Variants in FGGY observed in about 807,000 individuals in gnomAD.
The protein encoded by FGGY is FGGY carbohydrate kinase domain-containing protein.
In FGGY, 72 loss-of-function variants were observed where a neutral mutation model predicts 71.3. That is an observed-to-expected ratio of 1.01 (90% confidence interval 0.84 to 1.23). The LOEUF (loss-of-function observed/expected upper bound fraction) is 1.23. Among genes scored for constraint, FGGY ranks in the 50% most tolerant of loss-of-function variants. The pLI is 0.00. For missense variants in FGGY, 668 were observed against 682.3 expected (o/e 0.98, Z 0.23); for synonymous variants, 251 against 250.3 (o/e 1.00, Z -0.02).
chr1:59,325,048 C>T (rs1330773599), intron 2 of FGGY, among the ~76,000 whole-genome samples: 1 of 152,134 alleles, frequency 6.6e-6, no homozygotes, highest in Non-Finnish European at 1.5e-5. Flanking sequence ...ACCTGCCCAA[C>T]TCCCACCTTA....
intron 6 of FGGY, among the ~76,000 whole-genome samples, chr1:59,499,917 GTA>G (rs894025730): frequency 7.8e-4 from 118 of 151,970 alleles, no homozygotes; most frequent in African/African-American, 2.8e-3. Flanking sequence ...GTATATATAT[GTA>G]TGTGTGTGTG....
chr1:59,496,038 A>G (rs944029082), intron 6 of FGGY, among the ~76,000 whole-genome samples: 1 of 152,154 alleles, frequency 6.6e-6, no homozygotes, highest in Non-Finnish European at 1.5e-5. Flanking sequence ...TGGCAGTTTG[A>G]TGGGAATAGC....
At chr1:59,421,765 C>G (rs1001762324) in intron 5 of FGGY, among the ~76,000 whole-genome samples, 6 of 152,292 alleles carry the variant, frequency 3.9e-5, no homozygotes, top group African/African-American at 1.4e-4. Context: ...TTAGGGCATG[C>G]CTTGACCTCT....
intron 7 of FGGY, chr1:59,553,882 T>C: frequency 2.8e-6 from 1 of 361,100 alleles, no homozygotes; most frequent in Non-Finnish European, 5.0e-6. Context: ...ATTACTGCCA[T>C]TATTATAACG....
At chr1:59,685,702 A>C (rs2097538573) in intron 14 of FGGY, among the ~76,000 whole-genome samples, 3 of 152,180 alleles carry the variant, frequency 2.0e-5, no homozygotes, top group Admixed American at 2.0e-4. Context: ...GCCACACCAA[A>C]TATCTATGGG....
chr1:59,431,552 C>T (rs1457457926), intron 5 of FGGY, among the ~76,000 whole-genome samples: 2 of 152,136 alleles, frequency 1.3e-5, no homozygotes, highest in Non-Finnish European at 2.9e-5. Flanking sequence ...ATAGTCCGGA[C>T]GTAGATGCTT....
At chr1:59,404,555 C>G (rs2062456673) in intron 5 of FGGY, among the ~76,000 whole-genome samples, 1 of 152,036 alleles carries the variant, frequency 6.6e-6, no homozygotes, top group Non-Finnish European at 1.5e-5. Context: ...TAGAACAGCC[C>G]AATCAGAATG....
At chr1:59,494,956 T>A (rs1446013652) in intron 6 of FGGY, among the ~76,000 whole-genome samples, 1 of 152,176 alleles carries the variant, frequency 6.6e-6, no homozygotes, top group Non-Finnish European at 1.5e-5. Context: ...TGAATGAATT[T>A]ACATTCACAC....
intron 11 of FGGY, among the ~76,000 whole-genome samples, chr1:59,643,131 A>G (rs1422998584): frequency 6.6e-6 from 1 of 152,114 alleles, no homozygotes; most frequent in Non-Finnish European, 1.5e-5. Flanking sequence ...TTTACTACTG[A>G]AACCAAAAGA....
chr1:59,700,172 A>G (rs760576883), intron 14 of FGGY, among the ~76,000 whole-genome samples: 1 of 152,256 alleles, frequency 6.6e-6, no homozygotes, highest in Non-Finnish European at 1.5e-5. Flanking sequence ...TAGGTGGCAC[A>G]TGTTTAACTT....
intron 1 of FGGY, among the ~76,000 whole-genome samples, chr1:59,310,329 C>T (rs2153092981): frequency 6.6e-6 from 1 of 152,240 alleles, no homozygotes; most frequent in East Asian, 1.9e-4. Context: ...TCAACAGCAA[C>T]CTCTTGAAGA....
At chr1:59,723,448 A>G (rs1452886208) in intron 14 of FGGY, among the ~76,000 whole-genome samples, 2 of 151,956 alleles carry the variant, frequency 1.3e-5, no homozygotes, top group African/African-American at 2.4e-5. Context: ...ATTCAATTTC[A>G]GTATACATGT....
At chr1:59,380,736 G>C (rs540881009) in intron 5 of FGGY, among the ~76,000 whole-genome samples, 2 of 151,550 alleles carry the variant, frequency 1.3e-5, no homozygotes, top group African/African-American at 4.9e-5. Context: ...CTCCCATTCT[G>C]TAAGTTGCCT....
At chr1:59,632,661 G>A (rs192986335) in intron 10 of FGGY, among the ~76,000 whole-genome samples, 38 of 152,298 alleles carry the variant, frequency 2.5e-4, no homozygotes, top group African/African-American at 8.2e-4. Context: ...ATAGTTTCAC[G>A]TATATTATCT....
intron 8 of FGGY, among the ~76,000 whole-genome samples, chr1:59,605,425 G>A (rs2096614764): frequency 6.6e-6 from 1 of 152,120 alleles, no homozygotes; most frequent in African/African-American, 2.4e-5. Flanking sequence ...TTTGAGTACA[G>A]GCACTATGCT....
At chr1:59,573,495 T>G (rs1388809630) in intron 8 of FGGY, among the ~76,000 whole-genome samples, 4 of 152,134 alleles carry the variant, frequency 2.6e-5, no homozygotes, top group Admixed American at 2.0e-4. Context: ...TGTTCATATA[T>G]ATATGTTTAT....
chr1:59,431,533 G>T (rs1322612813), intron 5 of FGGY, among the ~76,000 whole-genome samples: 1 of 152,178 alleles, frequency 6.6e-6, no homozygotes. Context: ...TAGATTATTT[G>T]TTTATCTGAT....
chr1:59,559,524 G>T lies in FGGY; in HGVS notation c.903+5297G>T, dbSNP rs146255725. ...TATTTATTTCCTGGCTCTGTTAGCT[G>T]AGATGGTCTAGAAATAAGGATACCT... On this transcript the variant is annotated intron_variant, in intron 8 of 15. Coordinates refer to ENST00000303721, the MANE Select transcript of FGGY (RefSeq NM_018291.5). Among the ~76,000 whole-genome samples the T allele has an allele frequency of 4.6e-3, 704 of 152,252 alleles. 2 individuals carry two copies. Among genetic ancestry groups the T allele is most frequent in the Non-Finnish European group, 7.0e-3 (479 of 68,008 alleles).
intron 4 of FGGY, among the ~76,000 whole-genome samples, chr1:59,352,718 G>A (rs2053543632): frequency 6.6e-6 from 1 of 152,172 alleles, no homozygotes; most frequent in African/African-American, 2.4e-5. Flanking sequence ...CTGCAGGTCA[G>A]GGAAGCTTGG....
Sources: allele counts gnomAD v4.1 joint callset (sites outside exome capture counted in the v4.1 genomes callset), GRCh38; gene constraint gnomAD v4.1.1; transcripts MANE v1.5; gene names NCBI Gene and HGNC (gene_info 2026-07-23, HGNC 2026-07-21).